Variants in COPG2 observed in about 807,000 individuals in gnomAD.
COPG2 encodes the protein coat protein complex I subunit gamma 2.
In COPG2, 37 loss-of-function variants were observed where a neutral mutation model predicts 46.3. That is an observed-to-expected ratio of 0.80 (90% CI 0.61 to 1.05). The LOEUF (loss-of-function observed/expected upper bound fraction) is 1.05. Among genes scored for constraint, COPG2 ranks in the 50% least tolerant of loss-of-function variants. The pLI, the probability that COPG2 is intolerant of heterozygous loss-of-function variation, is 0.00. For missense variants in COPG2, 427 were observed against 387.8 expected (o/e 1.10, Z -0.85); for synonymous variants, 159 against 129.7 (o/e 1.23, Z -1.53).
In COPG2 at chr7:130,667,468, C is replaced by T. The variant is rs1002380708; in HGVS notation, c.90+14G>A. 1.4e-5 allele frequency: 23 copies of T among 1,610,330 alleles called. No individual in the cohort carries two copies. The highest frequency in any genetic ancestry group is 2.0e-5 in the Non-Finnish European group (23 of 1,176,894). ...AATAGAAAAGAAAGGGCACAAGATA[C>T]TTCCCAGTCATACCTCCTGTAAAAC... is the stretch of plus-strand genomic sequence containing the variant. On this transcript the variant is annotated intron_variant, in intron 2 of 23. Transcript: ENST00000425248.
chr7:130,562,600 C>T (rs999014034), intron 11 of COPG2, among the ~76,000 whole-genome samples: 6 of 152,110 alleles, frequency 3.9e-5, no homozygotes, highest in South Asian at 2.1e-4. Flanking sequence ...TAGCCAACAG[C>T]AACATGTGAC....
chr7:130,536,579 G>C (rs1249224258), intron 20 of COPG2, among the ~76,000 whole-genome samples: 1 of 152,220 alleles, frequency 6.6e-6, no homozygotes, highest in Non-Finnish European at 1.5e-5. Flanking sequence ...CCTCGGGTGA[G>C]AATCACTGGT....
At chr7:130,598,879 T>G (rs188833736) in intron 9 of COPG2, among the ~76,000 whole-genome samples, 1 of 152,338 alleles carries the variant, frequency 6.6e-6, no homozygotes, top group Admixed American at 6.5e-5. Context: ...TCCCTAGGAC[T>G]TCTAGTAGCT....
intron 3 of COPG2, among the ~76,000 whole-genome samples, chr7:130,665,945 C>T (rs936518747): frequency 1.3e-5 from 2 of 152,178 alleles, no homozygotes; most frequent in African/African-American, 4.8e-5. Flanking sequence ...ATATCCCCAA[C>T]ACCTAAAACA....
intron 9 of COPG2, among the ~76,000 whole-genome samples, chr7:130,590,831 C>A (rs587638375): frequency 6.6e-6 from 1 of 151,922 alleles, no homozygotes; most frequent in Non-Finnish European, 1.5e-5. Flanking sequence ...CCCTGCCCCC[C>A]CGTCTGGGAT....
intron 5 of COPG2, among the ~76,000 whole-genome samples, chr7:130,647,059 A>G (rs1418219166): frequency 6.7e-6 from 1 of 148,880 alleles, no homozygotes; most frequent in African/African-American, 2.5e-5. Flanking sequence ...ATTTATTTTT[A>G]AGATGGAATC....
At chr7:130,526,782 A>C (rs1364852067) in intron 20 of COPG2, among the ~76,000 whole-genome samples, 3 of 141,130 alleles carry the variant, frequency 2.1e-5, no homozygotes, top group Non-Finnish European at 4.5e-5. Context: ...AAAGGTGTGA[A>C]TCTTGGGCCA....
At chr7:130,650,270 G>T (rs1795710897) in intron 5 of COPG2, among the ~76,000 whole-genome samples, 1 of 152,058 alleles carries the variant, frequency 6.6e-6, no homozygotes, top group African/African-American at 2.4e-5. Flanking sequence ...ATTCCCTTTT[G>T]CCATGTAATG....
chr7:130,542,620 G>C (rs962993262), intron 20 of COPG2, among the ~76,000 whole-genome samples: 11 of 152,072 alleles, frequency 7.2e-5, no homozygotes, highest in Admixed American at 1.3e-4. Flanking sequence ...ATGAAAAGGA[G>C]TTTCTGGAAG....
intron 9 of COPG2, among the ~76,000 whole-genome samples, chr7:130,585,045 C>G (rs931509651): frequency 1.3e-5 from 2 of 151,978 alleles, no homozygotes; most frequent in Non-Finnish European, 2.9e-5. Flanking sequence ...CTGGAGGCAT[C>G]ACATTACCTG....
chr7:130,536,415 C>T (rs1799879784), intron 20 of COPG2, among the ~76,000 whole-genome samples: 1 of 152,130 alleles, frequency 6.6e-6, no homozygotes, highest in African/African-American at 2.4e-5. Flanking sequence ...ACATGGACCC[C>T]CAGGCAGGCC....
chr7:130,508,087 C>T (rs1554440482), intron 21 of COPG2: 2 of 392,776 alleles, frequency 5.1e-6, no homozygotes, highest in Non-Finnish European at 9.1e-6. Context: ...CCACTGAGTT[C>T]TGGGCACACG....
At chr7:130,544,006 C>T (rs917437924) in intron 20 of COPG2, among the ~76,000 whole-genome samples, 7 of 152,092 alleles carry the variant, frequency 4.6e-5, no homozygotes, top group Non-Finnish European at 8.8e-5. Context: ...GGTTAGACTG[C>T]AGGAATATTG....
chr7:130,608,584 A>G (rs1554451607), intron 9 of COPG2, among the ~76,000 whole-genome samples: 3 of 152,156 alleles, frequency 2.0e-5, no homozygotes, highest in African/African-American at 7.2e-5. Context: ...AGAGTATAGA[A>G]CTCCAGATTT....
chr7:130,604,567 A>G (rs1794695139), intron 9 of COPG2, among the ~76,000 whole-genome samples: 1 of 152,242 alleles, frequency 6.6e-6, no homozygotes, highest in Non-Finnish European at 1.5e-5. Flanking sequence ...GCTCTAATAG[A>G]TAATGTACAG....
rs374017937 is a variant in COPG2, at chr7:130,628,560, CA to C, written c.324-11496del. ...ACTACTATTTTTTGTTTTAGACATA[CA>C]GCTATTGTCCAGAATAATTTTTCAA... is the stretch of plus-strand genomic sequence containing the variant. On this transcript the variant is annotated intron_variant, in intron 5 of 23. Coordinates refer to ENST00000425248, the MANE Select transcript of COPG2 (RefSeq NM_012133.6). Among the ~76,000 whole-genome samples the C allele has an allele frequency of 1.4e-3, 207 of 152,226 alleles. 1 individual carries two copies. The highest frequency in any genetic ancestry group is 1.8e-3 in the Non-Finnish European group (123 of 68,016).
At chr7:130,585,537 G>A (rs1047113412) in intron 9 of COPG2, among the ~76,000 whole-genome samples, 1 of 151,908 alleles carries the variant, frequency 6.6e-6, no homozygotes. Context: ...AGACAACCCC[G>A]CAGAGTGGGA....
chr7:130,528,341 GAGA>G (rs1271253939), intron 20 of COPG2, among the ~76,000 whole-genome samples: 1 of 151,970 alleles, frequency 6.6e-6, no homozygotes, highest in Non-Finnish European at 1.5e-5. Context: ...AAAGGGAATT[GAGA>G]AGGTTTTGGG....
At position 130,667,477 on chromosome 7, in the gene COPG2, C is replaced by G; in HGVS notation, c.90+5G>C. 6.2e-7 allele frequency: 1 copy of G among 1,612,532 alleles called. No homozygotes were observed. Among genetic ancestry groups the G allele is most frequent in the East Asian group, 2.2e-5 (1 of 44,882 alleles). The stretch of plus-strand genomic sequence containing the variant: ...GAAAGGGCACAAGATACTTCCCAGT[C>G]ATACCTCCTGTAAAACAGCACTCTT... On this transcript the variant is annotated splice_donor_5th_base_variant and intron_variant, in intron 2 of 23. Coordinates refer to ENST00000425248, the MANE Select transcript of COPG2 (RefSeq NM_012133.6).
Sources: gnomAD v4.1 joint callset for allele counts (sites outside exome capture counted in the v4.1 genomes callset) on GRCh38, gnomAD v4.1.1 for gene constraint, MANE v1.5 for transcripts, NCBI Gene and HGNC (gene_info 2026-07-23, HGNC 2026-07-21) for gene names.